The following XKR6 variants were observed in gnomAD, a reference collection of about 807,000 sequenced individuals.
XKR6 encodes XK-related protein 6.
XKR6 carries 22 observed loss-of-function variants against 56.7 expected under a neutral mutation model. The observed-to-expected ratio is 0.39, with a 90% confidence interval of 0.28 to 0.55. XKR6 has a LOEUF of 0.55. Ranked by LOEUF, XKR6 falls within the 20% of genes least tolerant of loss-of-function variation. The pLI, the probability that XKR6 is intolerant of heterozygous loss-of-function variation, is 0.66. For synonymous variants in XKR6, 524 were observed against 387.8 expected (o/e 1.35, Z -4.13); for missense variants, 852 against 889.0 (o/e 0.96, Z 0.53).
intron 2 of XKR6, among the ~76,000 whole-genome samples, chr8:10,902,959 G>T (rs1255955952): frequency 6.6e-6 from 1 of 152,170 alleles, no homozygotes. Context: ...TTTTGGGACC[G>T]GAGTTGGTAC....
chr8:10,968,167 G>T (rs1455802264), intron 1 of XKR6, among the ~76,000 whole-genome samples: 2 of 152,172 alleles, frequency 1.3e-5, no homozygotes, highest in African/African-American at 4.8e-5. Flanking sequence ...TCCTGGCCTT[G>T]CATCCGGTCT....
chr8:11,043,292 G>C (rs1799331107), intron 1 of XKR6, among the ~76,000 whole-genome samples: 1 of 152,136 alleles, frequency 6.6e-6, no homozygotes, highest in Non-Finnish European at 1.5e-5. Flanking sequence ...GGGGTGTTGG[G>C]AGTGAGTCTC....
At chr8:11,133,859 G>T (rs548575547) in intron 1 of XKR6, among the ~76,000 whole-genome samples, 38 of 152,010 alleles carry the variant, frequency 2.5e-4, no homozygotes, top group Admixed American at 8.5e-4. Context: ...GACCATGTCG[G>T]CTCCTACTAA....
At chr8:11,144,342 A>C (rs1800871043) in intron 1 of XKR6, among the ~76,000 whole-genome samples, 1 of 150,404 alleles carries the variant, frequency 6.6e-6, no homozygotes, top group Non-Finnish European at 1.5e-5. Context: ...CCCAGAAGGA[A>C]AGACAGAAGT....
At chr8:10,993,121 A>G (rs1414032970) in intron 1 of XKR6, among the ~76,000 whole-genome samples, 1 of 152,266 alleles carries the variant, frequency 6.6e-6, no homozygotes, top group Admixed American at 6.5e-5. Context: ...AGAATGGAAC[A>G]CGGAGGGCTT....
intron 1 of XKR6, chr8:11,107,904 G>C (rs1798739710): frequency 4.1e-6 from 1 of 241,080 alleles, no homozygotes; most frequent in Non-Finnish European, 8.1e-6. Context: ...TGTACAAAGA[G>C]CAATGCTGCC....
chr8:11,119,633 C>T (rs949615024), intron 1 of XKR6, among the ~76,000 whole-genome samples: 1 of 152,146 alleles, frequency 6.6e-6, no homozygotes, highest in Non-Finnish European at 1.5e-5. Flanking sequence ...GCAAACCCTG[C>T]CTTTTTTTTG....
At chr8:10,928,865 T>C (rs1259385550) in intron 1 of XKR6, among the ~76,000 whole-genome samples, 2 of 152,324 alleles carry the variant, frequency 1.3e-5, no homozygotes, top group East Asian at 3.9e-4. Context: ...ACACCAACTC[T>C]TCTCCCGGAC....
chr8:11,051,391 T>C (rs1284244564), intron 1 of XKR6, among the ~76,000 whole-genome samples: 2 of 151,696 alleles, frequency 1.3e-5, no homozygotes, highest in South Asian at 2.1e-4. Flanking sequence ...CAAAGTGACA[T>C]CTCCAAGCCC....
intron 1 of XKR6, among the ~76,000 whole-genome samples, chr8:11,101,999 G>A (rs374247809): frequency 5.3e-5 from 8 of 152,258 alleles, no homozygotes; most frequent in African/African-American, 1.7e-4. Flanking sequence ...GAATGACAGC[G>A]GGAGAAACGA....
At chr8:11,095,317 T>C (rs1024019365) in intron 1 of XKR6, among the ~76,000 whole-genome samples, 1 of 152,276 alleles carries the variant, frequency 6.6e-6, no homozygotes, top group Admixed American at 6.5e-5. Context: ...AAGAATTATA[T>C]GAATGTAAGG....
At chr8:11,100,271 C>T (rs952446592) in intron 1 of XKR6, among the ~76,000 whole-genome samples, 1 of 152,108 alleles carries the variant, frequency 6.6e-6, no homozygotes, top group Admixed American at 6.5e-5. Flanking sequence ...CCAGGCTGGT[C>T]TCGAAATTCT....
chr8:11,053,783 C>A (rs1799613642), intron 1 of XKR6, among the ~76,000 whole-genome samples: 1 of 152,236 alleles, frequency 6.6e-6, no homozygotes, highest in South Asian at 2.1e-4. Flanking sequence ...CATGACTTCA[C>A]TTTTTGCCAT....
In XKR6 at chr8:10,897,776, G is replaced by T; in HGVS notation, c.*176C>A. The T allele has an allele frequency of 1.5e-6, 1 of 680,932 alleles. No individual in the cohort carries two copies. Among genetic ancestry groups the T allele is most frequent in the Non-Finnish European group, 2.2e-6 (1 of 447,686 alleles). 42.2% of individuals were successfully genotyped at this position (680,932 alleles called of 1,614,324 possible). A position where few individuals can be genotyped will look rare whatever the true frequency, so the allele number is the denominator to read the frequency against. The stretch of plus-strand genomic sequence containing the variant: ...CAGCGACTGGAAAGAAAGCTTATTT[G>T]AAGGGGTTGTGACTTATTAATTCTT... On this transcript the variant is annotated 3_prime_UTR_variant, in exon 3 of 3. Transcript: ENST00000416569.
intron 1 of XKR6, among the ~76,000 whole-genome samples, chr8:11,155,458 A>G (rs1462875559): frequency 2.0e-5 from 3 of 152,216 alleles, no homozygotes; most frequent in African/African-American, 7.2e-5. Flanking sequence ...ATTAATAAAG[A>G]CTTCACAACA....
intron 1 of XKR6, among the ~76,000 whole-genome samples, chr8:11,057,201 A>G (rs575939253): frequency 6.6e-6 from 1 of 151,996 alleles, no homozygotes; most frequent in Non-Finnish European, 1.5e-5. Flanking sequence ...AACATCAATT[A>G]CTCTATAAGG....
rs940394675 is a variant in XKR6 at position 11,084,945 on chromosome 8, C to T, written c.764+115631G>A. ...CTACAAAAAGAAATCTGCTGAAGAACAGCATCCAAGGTGCACCACCATCCC... is the reference window on the plus strand; with the variant it reads ...CTACAAAAAGAAATCTGCTGAAGAATAGCATCCAAGGTGCACCACCATCCC... On this transcript the variant is annotated intron_variant, in intron 1 of 2. Transcript: ENST00000416569. 2.0e-4 allele frequency among the ~76,000 whole-genome samples: 31 copies of T among 152,180 alleles called. 1 individual carries two copies. Among genetic ancestry groups the T allele is most frequent in the Non-Finnish European group, 4.4e-5 (3 of 68,026 alleles).
chr8:11,195,298 G>A, intron 1 of XKR6: 1 of 613,914 alleles, frequency 1.6e-6, no homozygotes, highest in Non-Finnish European at 2.9e-6. Flanking sequence ...CATTCTTTTA[G>A]CATTTCTGTT....
At chr8:11,158,300 G>C (rs1337825441) in intron 1 of XKR6, among the ~76,000 whole-genome samples, 1 of 152,190 alleles carries the variant, frequency 6.6e-6, no homozygotes, top group African/African-American at 2.4e-5. Flanking sequence ...TTAGAATAGG[G>C]CCTGAAGGAT....
Sources: gnomAD v4.1 joint callset for allele counts (sites outside exome capture counted in the v4.1 genomes callset) on GRCh38, gnomAD v4.1.1 for gene constraint, MANE v1.5 for transcripts, NCBI Gene and HGNC (gene_info 2026-07-23, HGNC 2026-07-21) for gene names.